Variants in SPIDR observed in about 807,000 individuals in gnomAD.
The protein encoded by SPIDR is scaffold protein involved in DNA repair.
SPIDR carries 93 observed loss-of-function variants against 104.6 expected under a neutral mutation model. The observed-to-expected ratio is 0.89, with a 90% CI of 0.75 to 1.06. The LOEUF is 1.06. Ranked by LOEUF, SPIDR falls within the 50% of genes least tolerant of loss-of-function variation. The pLI, the probability that SPIDR is intolerant of heterozygous loss-of-function variation, is 0.00. For missense variants in SPIDR, 1,154 were observed against 1,111.2 expected (o/e 1.04, Z -0.55); for synonymous variants, 431 against 416.9 (o/e 1.03, Z -0.41).
intron 11 of SPIDR, among the ~76,000 whole-genome samples, chr8:47,682,464 A>G (rs2077229166): frequency 6.6e-6 from 1 of 152,214 alleles, no homozygotes. Context: ...TAGTGTGTGC[A>G]CAACATTCTG....
chr8:47,394,127 A>C (rs2060969082), intron 5 of SPIDR, among the ~76,000 whole-genome samples: 1 of 152,098 alleles, frequency 6.6e-6, no homozygotes, highest in African/African-American at 2.4e-5. Flanking sequence ...GGCTGCTTTC[A>C]AACTCCTGGC....
intron 8 of SPIDR, among the ~76,000 whole-genome samples, chr8:47,534,052 A>G (rs77539676): frequency 0.013 from 1,941 of 152,256 alleles, 50 homozygotes; most frequent in African/African-American, 0.044. Context: ...AGTGATAGTG[A>G]GTGAGTTCTC....
At chr8:47,309,729 A>C (rs2043771400) in intron 5 of SPIDR, among the ~76,000 whole-genome samples, 1 of 152,186 alleles carries the variant, frequency 6.6e-6, no homozygotes, top group Non-Finnish European at 1.5e-5. Flanking sequence ...TATTGTTACA[A>C]CTGTGTAATG....
chr8:47,379,723 G>A (rs1554644371), intron 5 of SPIDR, among the ~76,000 whole-genome samples: 3 of 152,158 alleles, frequency 2.0e-5, no homozygotes, highest in African/African-American at 7.2e-5. Context: ...TGGGGCCTAT[G>A]ACAAGGCCTG....
intron 8 of SPIDR, among the ~76,000 whole-genome samples, chr8:47,505,698 C>T (rs1342691499): frequency 6.6e-6 from 1 of 152,158 alleles, no homozygotes; most frequent in African/African-American, 2.4e-5. Flanking sequence ...CGGTCTTCTG[C>T]GTTGGTCACG....
In SPIDR at chr8:47,293,907, G is replaced by A; in HGVS notation, c.402G>A (p.Arg134=). ...TCGACTGGGAGATTGACAGTGACAGGGCAGAGGCTAGTGACTGTGATGAAT... is the reference window on the plus strand; with the variant it reads ...TCGACTGGGAGATTGACAGTGACAGAGCAGAGGCTAGTGACTGTGATGAAT... ...QFIDWEIDSD[R]AEASDCDEFE... The change falls in exon 5 of 20, where the codon AGG becomes AGA. Residue 134 remains arginine (R), a synonymous_variant. Transcript: ENST00000297423. 2 of 1,613,960 alleles carry A rather than the reference G, an allele frequency of 1.2e-6. No homozygotes were observed. The highest frequency in any genetic ancestry group is 1.7e-6 in the Non-Finnish European group (2 of 1,179,932).
At chr8:47,596,856 CTTT>C (rs1010476175) in intron 9 of SPIDR, among the ~76,000 whole-genome samples, 2 of 151,484 alleles carry the variant, frequency 1.3e-5, no homozygotes, top group Non-Finnish European at 2.9e-5. Flanking sequence ...ACTTTTAAAA[CTTT>C]TTTTGTTGTA....
At chr8:47,372,917 C>T (rs1236567567) in intron 5 of SPIDR, among the ~76,000 whole-genome samples, 2 of 152,104 alleles carry the variant, frequency 1.3e-5, no homozygotes, top group Non-Finnish European at 2.9e-5. Context: ...GGTTACACCC[C>T]TAACAGAACA....
In SPIDR at chr8:47,279,887, GC is replaced by G. The variant is rs2037379696; in HGVS notation, c.62del (p.Pro21HisfsTer45). 19 of 1,613,438 alleles carry G rather than the reference GC, an allele frequency of 1.2e-5. No homozygotes were observed. Among genetic ancestry groups the G allele is most frequent in the Non-Finnish European group, 1.6e-5 (19 of 1,179,766 alleles). On this transcript the variant is annotated frameshift_variant, in exon 2 of 20. Coordinates refer to ENST00000297423, the MANE Select transcript of SPIDR (RefSeq NM_001080394.4). LOFTEE classifies it high-confidence loss of function. ...AGAAAAAGGAGTTGGAATACAGAATGCCCATCCTTTCCAGGAGAAAGACCAC... is the reference window on the plus strand; with the variant it reads ...AGAAAAAGGAGTTGGAATACAGAATGCCATCCTTTCCAGGAGAAAGACCAC... ...SKRKRSWNTE[C>X]PSFPGERPLQ...
intron 8 of SPIDR, among the ~76,000 whole-genome samples, chr8:47,535,821 G>T (rs1218039575): frequency 6.6e-6 from 1 of 151,896 alleles, no homozygotes; most frequent in African/African-American, 2.4e-5. Flanking sequence ...GAGAGCAGGA[G>T]CAAGACAAGG....
At chr8:47,441,254 G>A (rs939669663) in intron 8 of SPIDR, among the ~76,000 whole-genome samples, 13 of 152,034 alleles carry the variant, frequency 8.6e-5, no homozygotes, top group African/African-American at 1.9e-4. Flanking sequence ...ACCATTTTAC[G>A]TTCCCACTGG....
chr8:47,468,807 G>A (rs2075274085), intron 8 of SPIDR, among the ~76,000 whole-genome samples: 1 of 152,142 alleles, frequency 6.6e-6, no homozygotes, highest in South Asian at 2.1e-4. Context: ...GACACCAGCA[G>A]CAATTGCAAC....
chr8:47,385,425 AC>A (rs2059768786), intron 5 of SPIDR, among the ~76,000 whole-genome samples: 3 of 152,254 alleles, frequency 2.0e-5, no homozygotes, highest in African/African-American at 7.2e-5. Flanking sequence ...GGTGTTCTTT[AC>A]ATATAAAGTA....
chr8:47,380,072 C>T (rs564531749), intron 5 of SPIDR, among the ~76,000 whole-genome samples: 1 of 152,290 alleles, frequency 6.6e-6, no homozygotes, highest in South Asian at 2.1e-4. Flanking sequence ...ACCTGTCTTG[C>T]CTTGGGTCCA....
intron 5 of SPIDR, among the ~76,000 whole-genome samples, chr8:47,302,543 T>C (rs2154248832): frequency 6.6e-6 from 1 of 152,280 alleles, no homozygotes; most frequent in African/African-American, 2.4e-5. Flanking sequence ...GTTTCCAGTT[T>C]TTCTGCTCTG....
In SPIDR at chr8:47,331,989, CTTTTTTTTT is replaced by C. The variant is rs1289524835; in HGVS notation, c.525+37973_525+37981del. ...ACTTTTTTTTTTTTTTTTTTTTTCT[CTTTTTTTTT>C]TTTTTTTTTTTTTATTATACTCTAA... On this transcript the variant is annotated intron_variant, in intron 5 of 19. Transcript: ENST00000297423. Among the ~76,000 whole-genome samples, 210 of 36,342 alleles carry C rather than the reference CTTTTTTTTT, an allele frequency of 5.8e-3. 1 individual carries two copies. Among genetic ancestry groups the C allele is most frequent in the African/African-American group, 0.018 (202 of 11,274 alleles). 23.8% of individuals were successfully genotyped at this position (36,342 alleles called of 152,430 possible).
chr8:47,486,608 G>C (rs1003291682), intron 8 of SPIDR, among the ~76,000 whole-genome samples: 14 of 152,240 alleles, frequency 9.2e-5, no homozygotes, highest in African/African-American at 3.4e-4. Context: ...GAGAAAGGTC[G>C]GGTTACCCAC....
At chr8:47,455,014 A>G (rs566137687) in intron 8 of SPIDR, among the ~76,000 whole-genome samples, 1 of 152,222 alleles carries the variant, frequency 6.6e-6, no homozygotes, top group South Asian at 2.1e-4. Context: ...AGGAAGAAAT[A>G]CTAAACAGCA....
intron 5 of SPIDR, among the ~76,000 whole-genome samples, chr8:47,326,132 C>G (rs782346685): frequency 2.1e-4 from 32 of 152,182 alleles, no homozygotes; most frequent in Non-Finnish European, 4.4e-4. Flanking sequence ...GTAGCTAAGA[C>G]TAGTGGTGCA....
Sources: gnomAD v4.1 joint callset for allele counts (sites outside exome capture counted in the v4.1 genomes callset) on GRCh38, gnomAD v4.1.1 for gene constraint, MANE v1.5 for transcripts, NCBI Gene and HGNC (gene_info 2026-07-23, HGNC 2026-07-21) for gene names.